Variants in MYH11 observed in about 807,000 individuals in gnomAD.
MYH11 encodes the protein myosin heavy chain 11.
Under a neutral mutation model 246.6 loss-of-function variants are expected in MYH11, and 80 were observed. The observed-to-expected ratio is 0.32, with a 90% CI of 0.27 to 0.39. The LOEUF is 0.39. MYH11 is among the 10% of genes least tolerant of loss of function. MYH11 has a pLI of 1.00. For missense variants in MYH11, 2,158 were observed against 2,546.8 expected (o/e 0.85, Z 3.29); for synonymous variants, 1,071 against 1,015.5 (o/e 1.05, Z -1.04).
At chr16:15,719,393 G>T in intron 35 of MYH11, 85 bp from the exon 36 acceptor site, 1 of 1,506,940 alleles carries the variant, frequency 6.6e-7, no homozygotes, top group Non-Finnish European at 9.1e-7. Context: ...AGCCACCCTT[G>T]AAAGTACATG....
chr16:15,838,942 T>C (rs1567212525), intron 1 of MYH11, among the ~76,000 whole-genome samples: 1 of 151,486 alleles, frequency 6.6e-6, no homozygotes, highest in South Asian at 2.1e-4. Context: ...AACTGTGCGC[T>C]GCAAAATAAG....
At chr16:15,754,127 G>A (rs1365565114) in intron 14 of MYH11, among the ~76,000 whole-genome samples, 1 of 152,160 alleles carries the variant, frequency 6.6e-6, no homozygotes, top group Non-Finnish European at 1.5e-5. Context: ...TGAGGCAGGA[G>A]AATCGCTTCA....
intron 22 of MYH11, among the ~76,000 whole-genome samples, chr16:15,740,955 C>A (rs1040955731): frequency 6.6e-6 from 1 of 152,136 alleles, no homozygotes. Flanking sequence ...AGGGGAGAGG[C>A]CTTCATGATA....
rs71376101 is a variant in MYH11, at chr16:15,748,377, T to A, written c.2059-209A>T. Among the ~76,000 whole-genome samples the A allele has an allele frequency of 0.031, 4,732 of 152,194 alleles. 165 individuals carry two copies. Among genetic ancestry groups the A allele is most frequent in the East Asian group, 0.11 (549 of 5,166 alleles). ...TGCTTCGGCAATGGCTGCCTCATGATCTCTCTGGTTCTTGGTGACACTAGC... is the reference window on the plus strand; with the variant it reads ...TGCTTCGGCAATGGCTGCCTCATGAACTCTCTGGTTCTTGGTGACACTAGC... On this transcript the variant is annotated intron_variant, in intron 16 of 40. Coordinates refer to ENST00000300036, the MANE Select transcript of MYH11 (RefSeq NM_002474.3).
chr16:15,772,514 T>C (rs2042127236), intron 8 of MYH11, among the ~76,000 whole-genome samples: 1 of 152,226 alleles, frequency 6.6e-6, no homozygotes, highest in Non-Finnish European at 1.5e-5. Context: ...TCTCCAACTC[T>C]ACCTTACTCC....
intron 3 of MYH11, among the ~76,000 whole-genome samples, chr16:15,808,717 T>C (rs2043070167): frequency 6.6e-6 from 1 of 151,692 alleles, no homozygotes; most frequent in Non-Finnish European, 1.5e-5. Flanking sequence ...GAGACCCCTA[T>C]CTCTATGAAA....
intron 3 of MYH11, among the ~76,000 whole-genome samples, chr16:15,802,404 A>G (rs2042909465): frequency 6.6e-6 from 1 of 152,046 alleles, no homozygotes; most frequent in South Asian, 2.1e-4. Flanking sequence ...TTGAACTGTG[A>G]CTCCCAAAAG....
At chr16:15,708,810 A>C in intron 40 of MYH11, 1 of 1,608,534 alleles carries the variant, frequency 6.2e-7, no homozygotes, top group Non-Finnish European at 8.5e-7. Flanking sequence ...TACCTGGTGC[A>C]TCACTGCGAA....
intron 27 of MYH11, among the ~76,000 whole-genome samples, chr16:15,730,259 C>T (rs962623433): frequency 6.6e-6 from 1 of 151,358 alleles, no homozygotes; most frequent in East Asian, 1.9e-4. Context: ...CAGGGTGGTG[C>T]AGTGGCTCAC....
intron 4 of MYH11, among the ~76,000 whole-genome samples, chr16:15,789,547 T>C (rs961970547): frequency 2.6e-5 from 4 of 151,422 alleles, no homozygotes; most frequent in African/African-American, 7.3e-5. Context: ...GCCCATGTTC[T>C]GCCTCCTACC....
intron 6 of MYH11, among the ~76,000 whole-genome samples, chr16:15,780,474 CT>C (rs71134460): frequency 2.6e-4 from 18 of 69,004 alleles, no homozygotes; most frequent in African/African-American, 6.1e-4. Context: ...GATTTTTACG[CT>C]TTTTTTTTTT....
intron 38 of MYH11, among the ~76,000 whole-genome samples, chr16:15,716,794 G>T (rs547031072): frequency 4.6e-5 from 7 of 152,202 alleles, no homozygotes; most frequent in Non-Finnish European, 8.8e-5. Flanking sequence ...GATTACAGGC[G>T]TGAGCCACCA....
intron 2 of MYH11, among the ~76,000 whole-genome samples, chr16:15,824,472 G>T (rs570863841): frequency 3.3e-5 from 5 of 152,014 alleles, no homozygotes; most frequent in Non-Finnish European, 7.4e-5. Context: ...GTAGAGACAG[G>T]GTTTCACCAT....
At chr16:15,723,111 G>A (rs1455212450) in intron 31 of MYH11, among the ~76,000 whole-genome samples, 1 of 152,134 alleles carries the variant, frequency 6.6e-6, no homozygotes, top group East Asian at 1.9e-4. Context: ...AAATAATAAT[G>A]TATCTTAAAA....
chr16:15,723,728 A>G (rs1020124547), intron 31 of MYH11, among the ~76,000 whole-genome samples: 1 of 152,218 alleles, frequency 6.6e-6, no homozygotes. Flanking sequence ...TCACCGTACA[A>G]TTCTGTCAAC....
chr16:15,720,805 A>G, intron 33 of MYH11, 34 bp downstream of exon 33: 11 of 1,594,884 alleles, frequency 6.9e-6, no homozygotes, highest in Non-Finnish European at 9.4e-6. Context: ...AGGCCACCCG[A>G]CCTCCCTCTG....
chr16:15,852,444 T>A (rs2044354781), intron 1 of MYH11, among the ~76,000 whole-genome samples: 1 of 150,728 alleles, frequency 6.6e-6, no homozygotes. Flanking sequence ...GCGATTCTCG[T>A]GCCTCAGCCT....
At chr16:15,714,352 A>C in intron 40 of MYH11, 1 of 165,700 alleles carries the variant, frequency 6.0e-6, no homozygotes, top group Admixed American at 5.6e-5. Context: ...TGGTTGTCAC[A>C]TTGCAGGGTG....
In MYH11 at chr16:15,738,708, GAGAT is replaced by G; in HGVS notation, c.2998-24_2998-21del. 6.2e-7 allele frequency: 1 copy of G among 1,612,886 alleles called. No homozygotes were observed. Among genetic ancestry groups the G allele is most frequent in the East Asian group, 2.2e-5 (1 of 44,824 alleles). ...TCGTTCCTTTTTGGGGAAAGAGAAA[GAGAT>G]AGCTTTAGGATTTTTCTTTTCTCTA... On this transcript the variant is annotated intron_variant, in intron 23 of 40. Transcript: ENST00000300036.
Sources: gnomAD v4.1 joint callset for allele counts (sites outside exome capture counted in the v4.1 genomes callset) on GRCh38, gnomAD v4.1.1 for gene constraint, MANE v1.5 for transcripts, NCBI Gene and HGNC (gene_info 2026-07-23, HGNC 2026-07-21) for gene names.